Variants in LPCAT2 observed in about 807,000 individuals in gnomAD.
The protein encoded by LPCAT2 is lysophosphatidylcholine acyltransferase 2.
Under a neutral mutation model 64.7 loss-of-function variants are expected in LPCAT2, and 58 were observed. The observed-to-expected ratio is 0.90, with a 90% CI of 0.73 to 1.12. The LOEUF (loss-of-function observed/expected upper bound fraction) is 1.12, where lower values mean the gene tolerates loss of function less well. Ranked by LOEUF, LPCAT2 falls within the 50% of genes most tolerant of loss-of-function variation. The pLI, the probability that LPCAT2 is intolerant of heterozygous loss-of-function variation, is 0.00. For missense variants in LPCAT2, 579 were observed against 669.8 expected (o/e 0.86, Z 1.50); for synonymous variants, 252 against 245.3 (o/e 1.03, Z -0.26).
At chr16:55,514,209 AG>A (rs1203681395) in intron 1 of LPCAT2, among the ~76,000 whole-genome samples, 3 of 152,160 alleles carry the variant, frequency 2.0e-5, no homozygotes, top group Non-Finnish European at 4.4e-5. Flanking sequence ...GGAATCTAGA[AG>A]GCTGTCCACA....
chr16:55,566,620 C>A, intron 11 of LPCAT2: 1 of 887,910 alleles, frequency 1.1e-6, no homozygotes, highest in Non-Finnish European at 1.7e-6. Context: ...TGTGAAACAT[C>A]ACATCATGGG....
At chr16:55,578,248 A>G (rs1484711554) in intron 12 of LPCAT2, among the ~76,000 whole-genome samples, 2 of 152,060 alleles carry the variant, frequency 1.3e-5, no homozygotes, top group Non-Finnish European at 2.9e-5. Flanking sequence ...TTCTTACCCA[A>G]ATTCGTATCT....
intron 9 of LPCAT2, among the ~76,000 whole-genome samples, chr16:55,547,806 C>T (rs1963470757): frequency 1.3e-5 from 2 of 151,836 alleles, no homozygotes; most frequent in Non-Finnish European, 2.9e-5. Flanking sequence ...CTTGCTCTGT[C>T]ACTCAGGCTG....
intron 8 of LPCAT2, chr16:55,541,746 T>G (rs893075140): frequency 3.2e-6 from 2 of 618,418 alleles, no homozygotes; most frequent in East Asian, 7.7e-5. Context: ...GACAGAAAAT[T>G]TATAGAGTTT....
Position 55,532,900 on chromosome 16 carries a change from C to A in LPCAT2, c.762+18C>A. 3 of 1,602,948 alleles carry A rather than the reference C, an allele frequency of 1.9e-6. No individual in the cohort carries two copies. The highest frequency in any genetic ancestry group is 1.7e-6 in the Non-Finnish European group (2 of 1,170,918). On this transcript the variant is annotated intron_variant, in intron 6 of 13. Coordinates refer to ENST00000262134, the MANE Select transcript of LPCAT2 (RefSeq NM_017839.5). The stretch of plus-strand genomic sequence containing the variant: ...ACAAGCTGGTAAGCACAGTATTTTA[C>A]CACAGGAAGAATTTCAGTATTCCAA...
chr16:55,548,466 G>A (rs1363229471), intron 9 of LPCAT2, among the ~76,000 whole-genome samples: 11 of 152,162 alleles, frequency 7.2e-5, no homozygotes, highest in Admixed American at 4.6e-4. Flanking sequence ...TAGACAGCTA[G>A]TAATTTGGAT....
intron 8 of LPCAT2, chr16:55,538,672 C>T (rs1963354274): frequency 9.1e-6 from 1 of 110,122 alleles, no homozygotes; most frequent in Admixed American, 1.0e-4. Flanking sequence ...TTATCTCTCA[C>T]TGTGGCCAAA....
Position 55,528,576 on chromosome 16 carries a change from C to G in LPCAT2, c.511C>G (p.Gln171Glu), listed in dbSNP as rs772517565. ...TATGGTATCTCGAAATGAGAATGCACAAGTCCCTCTGATTGGCAGTAAGTA... is the reference window on the plus strand; with the variant it reads ...TATGGTATCTCGAAATGAGAATGCAGAAGTCCCTCTGATTGGCAGTAAGTA... ...PSMVSRNENA[Q>E]VPLIGRLLRA... is the part of the protein sequence containing the mutation. Residue 171 changes from glutamine (Q) to glutamate (E), a missense_variant, in exon 3 of 14, where the codon CAA becomes GAA. Physicochemically the swap from Gln to Glu is conservative, Grantham distance 29. Transcript: ENST00000262134. 6.2e-7 allele frequency: 1 copy of G among 1,612,742 alleles called. No individual in the cohort carries two copies. Among genetic ancestry groups the G allele is most frequent in the Middle Eastern group, 1.7e-4 (1 of 6,058 alleles).
chr16:55,558,353 A>C (rs1963600030), intron 11 of LPCAT2, among the ~76,000 whole-genome samples: 1 of 152,206 alleles, frequency 6.6e-6, no homozygotes, highest in Non-Finnish European at 1.5e-5. Context: ...ATCATTGTTC[A>C]TTTCATCCTC....
chr16:55,516,665 C>T (rs564921804), intron 1 of LPCAT2, among the ~76,000 whole-genome samples: 1 of 152,070 alleles, frequency 6.6e-6, no homozygotes, highest in East Asian at 1.9e-4. Flanking sequence ...GTGACAGAAT[C>T]GAAGGGTGAA....
intron 11 of LPCAT2, among the ~76,000 whole-genome samples, chr16:55,564,111 G>GA (rs1220769079): frequency 6.6e-6 from 1 of 151,738 alleles, no homozygotes; most frequent in South Asian, 2.1e-4. Context: ...CAATGGCATA[G>GA]AAAAAATTAA....
intron 1 of LPCAT2, among the ~76,000 whole-genome samples, chr16:55,521,011 G>T (rs1421585938): frequency 1.3e-5 from 2 of 151,734 alleles, no homozygotes; most frequent in Non-Finnish European, 3.0e-5. Flanking sequence ...GCAATAATCA[G>T]TGAAATAGAA....
At chr16:55,535,143 G>A (rs1252439165) in intron 7 of LPCAT2, among the ~76,000 whole-genome samples, 7 of 152,114 alleles carry the variant, frequency 4.6e-5, no homozygotes, top group African/African-American at 9.7e-5. Context: ...TTAAATTTTG[G>A]TGAGAGCCGT....
chr16:55,512,364 A>AC (rs1446256603), intron 1 of LPCAT2, among the ~76,000 whole-genome samples: 3 of 152,242 alleles, frequency 2.0e-5, no homozygotes, highest in African/African-American at 7.2e-5. Flanking sequence ...ATAGAGCAAC[A>AC]CAAATCAGAC....
At chr16:55,536,145 A>G (rs1300767916) in intron 7 of LPCAT2, among the ~76,000 whole-genome samples, 2 of 152,166 alleles carry the variant, frequency 1.3e-5, no homozygotes, top group Admixed American at 6.5e-5. Flanking sequence ...TGTGTCTGTT[A>G]CTTCTAAATC....
intron 4 of LPCAT2, 87 bp downstream of exon 4, chr16:55,530,034 CAAT>C (rs1286249133): frequency 1.1e-6 from 1 of 914,806 alleles, no homozygotes; most frequent in Non-Finnish European, 1.7e-6. Context: ...CCACAGATAG[CAAT>C]ATCTGTGGAC....
At chr16:55,551,714 A>G (rs1184361495) in intron 11 of LPCAT2, among the ~76,000 whole-genome samples, 1 of 152,204 alleles carries the variant, frequency 6.6e-6, no homozygotes, top group Non-Finnish European at 1.5e-5. Flanking sequence ...ACTGTCAAAA[A>G]GTTTCCCTAG....
intron 12 of LPCAT2, 195 bp from the exon 13 acceptor site, chr16:55,578,913 TC>T (rs781531335): frequency 2.3e-5 from 13 of 567,626 alleles, no homozygotes; most frequent in Non-Finnish European, 3.1e-5. Context: ...TTGGTATAGC[TC>T]CTGTTTTAAT....
At chr16:55,533,931 T>A (rs1156722388) in intron 6 of LPCAT2, among the ~76,000 whole-genome samples, 1 of 152,152 alleles carries the variant, frequency 6.6e-6, no homozygotes, top group Non-Finnish European at 1.5e-5. Context: ...ATATTAAGGG[T>A]TATTGATCAA....
Sources: allele counts gnomAD v4.1 joint callset (sites outside exome capture counted in the v4.1 genomes callset), GRCh38; gene constraint gnomAD v4.1.1; transcripts MANE v1.5; gene names NCBI Gene and HGNC (gene_info 2026-07-23, HGNC 2026-07-21).